Variants in MSANTD1 observed in about 807,000 individuals in gnomAD.
MSANTD1 encodes the protein myb/SANT-like DNA-binding domain-containing protein 1.
MSANTD1 carries 7 observed loss-of-function variants against 24.2 expected under a neutral mutation model. The observed-to-expected ratio is 0.29, with a 90% CI of 0.16 to 0.54. The LOEUF (loss-of-function observed/expected upper bound fraction) is 0.54. MSANTD1 is among the 20% of genes least tolerant of loss of function. The pLI is 0.94. For synonymous variants in MSANTD1, 177 were observed against 181.1 expected (o/e 0.98, Z 0.18); for missense variants, 384 against 408.2 (o/e 0.94, Z 0.51).
chr4:3,253,088 G>T, intron 1 of MSANTD1, 119 bp from the exon 2 acceptor site: 1 of 1,089,726 alleles, frequency 9.2e-7, no homozygotes, highest in Non-Finnish European at 1.3e-6. Context: ...GGAGGCCCTT[G>T]CCAGCCGAGA....
Position 3,255,901 on chromosome 4 carries a change from G to C in MSANTD1, c.773G>C (p.Ser258Thr). 6.5e-7 allele frequency: 1 copy of C among 1,545,276 alleles called. No homozygotes were observed. Among genetic ancestry groups the C allele is most frequent in the Non-Finnish European group, 8.7e-7 (1 of 1,145,912 alleles). The change falls in exon 3 of 3, where the codon AGC (serine) becomes ACC (threonine). Residue 258 changes from serine (S) to threonine (T), a missense_variant. Physicochemically the swap from Ser to Thr is moderately conservative, Grantham distance 58. Transcript: ENST00000438480. ...LDQQHILQVQ[S>T]LQLQERMMSL... The stretch of plus-strand genomic sequence containing the variant: ...CAGCAGCACATCCTGCAGGTGCAGA[G>C]CCTGCAGCTGCAGGAGCGCATGATG...
chr4:3,244,468 A>G (rs571536277), upstream of MSANTD1: 45 of 152,300 alleles, frequency 3.0e-4, no homozygotes, highest in African/African-American at 1.1e-3. Context: ...GTAACCCCCA[A>G]AGCAGCTGGC....
At chr4:3,248,283 A>G (rs889735495), upstream of MSANTD1, 2 of 152,188 alleles carry the variant, frequency 1.3e-5, no homozygotes, top group African/African-American at 4.8e-5. Context: ...CCTCAGCCCC[A>G]CAGGGGCCTG....
upstream of MSANTD1, chr4:3,245,352 G>C (rs1721986552): frequency 6.6e-6 from 1 of 152,640 alleles, no homozygotes; most frequent in African/African-American, 2.4e-5. Context: ...GCTTTGTTGG[G>C]ATCTGGAAGT....
At chr4:3,246,427 G>A (rs1265611019), upstream of MSANTD1, among the ~76,000 whole-genome samples, 1 of 152,208 alleles carries the variant, frequency 6.6e-6, no homozygotes, top group Non-Finnish European at 1.5e-5. Context: ...ACCCAGAAAT[G>A]CTGAGCAGGA....
chr4:3,249,863 G>A (rs1190671918), intron 1 of MSANTD1, among the ~76,000 whole-genome samples: 1 of 152,162 alleles, frequency 6.6e-6, no homozygotes, highest in East Asian at 1.9e-4. Context: ...GGCGGTCTGG[G>A]CACTGTCCCT....
At chr4:3,255,661 G>T (rs1722361843) in intron 2 of MSANTD1, 64 bp from the exon 3 acceptor site, 4 of 1,448,936 alleles carry the variant, frequency 2.8e-6, no homozygotes. Context: ...GGAGGGTCCG[G>T]TGAGGCCCCT....
upstream of MSANTD1, among the ~76,000 whole-genome samples, chr4:3,246,317 G>A (rs1722026738): frequency 6.6e-6 from 1 of 152,202 alleles, no homozygotes; most frequent in Non-Finnish European, 1.5e-5. Context: ...TCAGTGGGAC[G>A]CCCACCTCCT....
intron 2 of MSANTD1, 87 bp downstream of exon 2, chr4:3,253,569 G>T: frequency 1.5e-6 from 2 of 1,359,140 alleles, no homozygotes; most frequent in Middle Eastern, 1.9e-4. Flanking sequence ...CAAGGCCGGC[G>T]GCGGCGGCCA....
chr4:3,248,153 T>C (rs1170384920), upstream of MSANTD1: 1 of 152,302 alleles, frequency 6.6e-6, no homozygotes, highest in East Asian at 1.9e-4. Flanking sequence ...CGGGTGCCGA[T>C]GCCCTTGGGC....
chr4:3,249,342 C>T lies in MSANTD1; in HGVS notation c.120C>T (p.His40=), dbSNP rs778138030. The part of the protein sequence containing the change: ...GYLVSPQAEK[H]RRARNWTDAE... ...TCGTGTCTCCCCAGGCGGAGAAGCA[C>T]CGGCGGGCCCGCAACTGGACGGACG... is the stretch of plus-strand genomic sequence containing the variant. The change falls in exon 1 of 3, where the codon CAC becomes CAT. Residue 40 remains histidine, a synonymous_variant. Coordinates refer to ENST00000438480, the MANE Select transcript of MSANTD1 (RefSeq NM_001042690.2). 1 of 1,551,096 alleles carries T rather than the reference C, an allele frequency of 6.4e-7. No homozygotes were observed. The highest frequency in any genetic ancestry group is 1.2e-5 in the South Asian group (1 of 84,418).
Position 3,249,595 on chromosome 4 carries a change from CGG to C in MSANTD1, c.320+55_320+56del. On this transcript the variant is annotated intron_variant, in intron 1 of 2. Transcript: ENST00000438480. ...CCAGGACGGGCGGGCCCGGGCGTGG[CGG>C]GCCGCTCCTGACTTTCTTGGAGCTC... 7 of 1,503,964 alleles carry C rather than the reference CGG, an allele frequency of 4.7e-6. 1 individual carries two copies. The highest frequency in any genetic ancestry group is 6.3e-6 in the Non-Finnish European group (7 of 1,107,980). The allele number at this position is 1,503,964 out of a possible 1,614,324, so 93.2% of individuals were successfully genotyped here.
chr4:3,248,071 C>T (rs1174071878), upstream of MSANTD1: 1 of 152,394 alleles, frequency 6.6e-6, no homozygotes, highest in East Asian at 1.9e-4. Flanking sequence ...GGGCACCGCG[C>T]CCAGCACAGT....
Sources: allele counts gnomAD v4.1 joint callset (sites outside exome capture counted in the v4.1 genomes callset), GRCh38; gene constraint gnomAD v4.1.1; transcripts MANE v1.5; gene names NCBI Gene and HGNC (gene_info 2026-07-23, HGNC 2026-07-21).